CAPN3: variants seen among roughly 807,000 people sequenced by gnomAD.
CAPN3 encodes calpain-3.
CAPN3 carries 88 observed loss-of-function variants against 114.0 expected under a neutral mutation model. That is an observed-to-expected ratio of 0.77 (90% CI 0.65 to 0.92). The LOEUF (loss-of-function observed/expected upper bound fraction) is 0.92, where lower values mean the gene tolerates loss of function less well. CAPN3 is among the 40% of genes least tolerant of loss of function. The probability of loss-of-function intolerance (pLI) is 0.00; values close to 1 mark genes in which losing one functional copy is unlikely to be tolerated. For synonymous variants in CAPN3, 386 were observed against 382.9 expected (o/e 1.01, Z -0.09); for missense variants, 1,028 against 1,069.0 (o/e 0.96, Z 0.53).
intron 6 of CAPN3, among the ~76,000 whole-genome samples, chr15:42,391,157 T>C (rs1327426141): frequency 6.6e-6 from 1 of 152,214 alleles, no homozygotes; most frequent in Admixed American, 6.5e-5. Flanking sequence ...CTACACAATA[T>C]TCAAACACAC....
intron 1 of CAPN3, among the ~76,000 whole-genome samples, chr15:42,369,870 C>CTTT (rs748584513): frequency 7.1e-5 from 9 of 127,000 alleles, no homozygotes; most frequent in African/African-American, 1.6e-4. Context: ...TTCTTTCTTT[C>CTTT]TTTTTTTTTT....
At chr15:42,373,315 G>T (rs2053004310) in intron 1 of CAPN3, among the ~76,000 whole-genome samples, 1 of 152,214 alleles carries the variant, frequency 6.6e-6, no homozygotes, top group African/African-American at 2.4e-5. Flanking sequence ...GGTCTGGGAT[G>T]GGCCCTGGGA....
chr15:42,363,517 G>A (rs1389328396), intron 1 of CAPN3, among the ~76,000 whole-genome samples: 2 of 152,130 alleles, frequency 1.3e-5, no homozygotes, highest in African/African-American at 4.8e-5. Flanking sequence ...AAGAGAACTT[G>A]ACCTGTAAAG....
intron 8 of CAPN3, 94 bp downstream of exon 8, chr15:42,394,435 G>T: frequency 1.0e-6 from 1 of 999,180 alleles, no homozygotes; most frequent in South Asian, 1.4e-5. Flanking sequence ...TATTGAAGAT[G>T]CTTGGTATAA....
At chr15:42,364,380 C>T (rs747887698) in intron 1 of CAPN3, among the ~76,000 whole-genome samples, 3 of 152,220 alleles carry the variant, frequency 2.0e-5, no homozygotes, top group African/African-American at 7.2e-5. Context: ...TGGTTGAGTG[C>T]TCAGTAAACA....
intron 1 of CAPN3, among the ~76,000 whole-genome samples, chr15:42,371,465 TG>T (rs2052945740): frequency 6.6e-6 from 1 of 152,230 alleles, no homozygotes; most frequent in Admixed American, 6.5e-5. Flanking sequence ...GCATCTTTTT[TG>T]TACACTTGTC....
chr15:42,380,356 C>G (rs1313558641), intron 1 of CAPN3, among the ~76,000 whole-genome samples: 1 of 124,374 alleles, frequency 8.0e-6, no homozygotes, highest in South Asian at 2.6e-4. Context: ...CCTTTTACCT[C>G]TTCTTTTTTG....
At chr15:42,383,371 T>C (rs1210097246) in intron 1 of CAPN3, among the ~76,000 whole-genome samples, 1 of 152,154 alleles carries the variant, frequency 6.6e-6, no homozygotes, top group Non-Finnish European at 1.5e-5. Flanking sequence ...GGCAGATCAC[T>C]TGAGGTCAGG....
intron 14 of CAPN3, 188 bp downstream of exon 14, chr15:42,403,965 C>T (rs1238606781): frequency 8.8e-6 from 6 of 681,298 alleles, no homozygotes; most frequent in South Asian, 1.5e-5. Context: ...CCTTAAGCAC[C>T]GGGGGCCATT....
Position 42,367,949 on chromosome 15 carries a change from T to C in CAPN3, c.309+7835T>C, listed in dbSNP as rs934057772. 2.0e-5 allele frequency among the ~76,000 whole-genome samples: 3 copies of C among 152,188 alleles called. No individual in the cohort carries two copies. In the South Asian group the frequency reaches 6.2e-4, roughly 31 times the overall value. On this transcript the variant is annotated intron_variant, in intron 1 of 23. Transcript: ENST00000397163. Reference sequence around the variant, plus strand: ...TAGCTGGGACTACAGGCATATCCTGTTTTTGAATCATGTCATCCCTCTTTT... The same window carrying C: ...TAGCTGGGACTACAGGCATATCCTGCTTTTGAATCATGTCATCCCTCTTTT...
intron 16 of CAPN3, chr15:42,408,799 C>G (rs2054104197): frequency 3.2e-6 from 1 of 312,830 alleles, no homozygotes; most frequent in African/African-American, 2.2e-5. Flanking sequence ...CAAAAGTCTC[C>G]AGACCAATCC....
Position 42,388,928 on chromosome 15 carries a change from G to A in CAPN3, c.633G>A (p.Lys211=), listed in dbSNP as rs779701414. The A allele has an allele frequency of 9.3e-6, 15 of 1,613,886 alleles. No homozygotes were observed. In the South Asian group the frequency reaches 1.3e-4, roughly 14 times the overall value. ...AATTGGTCTTCATCCTCTCTCTAAG[G>A]CTCCATGGTTCCTACGAAGCTCTGA... ...WSALLEKAYA[K]LHGSYEALKG... The change falls in exon 5 of 24, where the codon AAG becomes AAA. Residue 211 remains lysine (K), a splice_region_variant and synonymous_variant. Transcript: ENST00000397163.
rs748092278 is a variant in CAPN3 at position 42,410,869 on chromosome 15, T to C, written c.2264-15T>C. ...TCCAGCTCCACGTCCACCTCTAACA[T>C]GGTCCCCTCCACAGGATTCCACCTC... is the stretch of plus-strand genomic sequence containing the variant. On this transcript the variant is annotated splice_polypyrimidine_tract_variant and intron_variant, in intron 21 of 23. Transcript: ENST00000397163. The C allele has an allele frequency of 1.3e-6, 2 of 1,599,650 alleles. No homozygotes were observed. The highest frequency in any genetic ancestry group is 1.7e-6 in the Non-Finnish European group (2 of 1,166,960).
chr15:42,408,015 G>A (rs1199791454), intron 15 of CAPN3, among the ~76,000 whole-genome samples, 196 bp from the exon 16 acceptor site: 1 of 152,114 alleles, frequency 6.6e-6, no homozygotes, highest in Non-Finnish European at 1.5e-5. Flanking sequence ...GGATGGAGTG[G>A]GTATGAAAAG....
intron 1 of CAPN3, 146 bp from the exon 2 acceptor site, chr15:42,384,337 C>T (rs997654352): frequency 2.2e-5 from 15 of 676,902 alleles, no homozygotes; most frequent in African/African-American, 1.6e-4. Context: ...ACTTGAACCC[C>T]GGAGGCAGAG....
Position 42,409,999 on chromosome 15 carries a change from T to C in CAPN3, c.2115+4T>C. The C allele has an allele frequency of 6.2e-7, 1 of 1,611,650 alleles. No individual in the cohort carries two copies. Among genetic ancestry groups the C allele is most frequent in the Non-Finnish European group, 8.5e-7 (1 of 1,179,596 alleles). Reference sequence around the variant, plus strand: ...TAGCATGATTGCGCTCATGGATGTATCCTTCCTGCCGCCCCTTCCCGACCC... The same window carrying C: ...TAGCATGATTGCGCTCATGGATGTACCCTTCCTGCCGCCCCTTCCCGACCC... On this transcript the variant is annotated splice_donor_region_variant and intron_variant, in intron 19 of 23. Coordinates refer to ENST00000397163, the MANE Select transcript of CAPN3 (RefSeq NM_000070.3).
Position 42,399,473 on chromosome 15 carries a change from T to A in CAPN3, c.1194-19T>A, listed in dbSNP as rs994750194. ...TCACCTGCTCCCATATGGCTCTCTC[T>A]CTTCTTCCAACCTCTCAGGATGTCC... On this transcript the variant is annotated intron_variant, in intron 9 of 23. Coordinates refer to ENST00000397163, the MANE Select transcript of CAPN3 (RefSeq NM_000070.3). 12 of 1,609,208 alleles carry A rather than the reference T, an allele frequency of 7.5e-6. No individual in the cohort carries two copies. Among genetic ancestry groups the A allele is most frequent in the Non-Finnish European group, 9.4e-6 (11 of 1,175,748 alleles).
chr15:42,376,131 G>A (rs1316765248), intron 1 of CAPN3, among the ~76,000 whole-genome samples: 2 of 152,174 alleles, frequency 1.3e-5, no homozygotes, highest in East Asian at 3.8e-4. Context: ...TCAAGGATGC[G>A]GGCAATAAAC....
Position 42,362,844 on chromosome 15 carries a change from G to A in CAPN3, c.309+2730G>A, listed in dbSNP as rs781683760. 2.8e-4 allele frequency among the ~76,000 whole-genome samples: 43 copies of A among 152,336 alleles called. 1 individual carries two copies. The highest frequency in any genetic ancestry group is 3.4e-3 in the Middle Eastern group (1 of 294). On this transcript the variant is annotated intron_variant, in intron 1 of 23. Coordinates refer to ENST00000397163, the MANE Select transcript of CAPN3 (RefSeq NM_000070.3). ...CAGTTCTCCATAAACTTCTTCAGAT[G>A]TAGTGACCTTTGCCAGCCCTATGCA...
Sources: allele counts gnomAD v4.1 joint callset (sites outside exome capture counted in the v4.1 genomes callset), GRCh38; gene constraint gnomAD v4.1.1; transcripts MANE v1.5; gene names NCBI Gene and HGNC (gene_info 2026-07-23, HGNC 2026-07-21).